Variants in MRTFB observed in about 807,000 individuals in gnomAD.
MRTFB encodes the protein myocardin related transcription factor B.
Under a neutral mutation model 104.2 loss-of-function variants are expected in MRTFB, and 29 were observed. That is an observed-to-expected ratio of 0.28 (90% CI 0.21 to 0.38). The LOEUF is 0.38. Among genes scored for constraint, MRTFB ranks in the 10% least tolerant of loss-of-function variants. The pLI, the probability that MRTFB is intolerant of heterozygous loss-of-function variation, is 1.00. For synonymous variants in MRTFB, 535 were observed against 519.5 expected (o/e 1.03, Z -0.41); for missense variants, 1,270 against 1,341.6 (o/e 0.95, Z 0.83).
chr16:14,011,732 C>T, the MRTFB span, among the ~76,000 whole-genome samples: 3 of 151,976 alleles, frequency 2.0e-5, no homozygotes, highest in Non-Finnish European at 2.9e-5. Context: ...ATTAGCTGGG[C>T]GTGGTGGTGG....
chr16:14,246,604 A>C lies in MRTFB; in HGVS notation c.1344A>C (p.Ala448=). Reference sequence around the variant, plus strand: ...GCCTTGCTGCTGGGGGCATCGTGGCAGTGTCATCATCAGCCATTGTCACCA... The same window carrying C: ...GCCTTGCTGCTGGGGGCATCGTGGCCGTGTCATCATCAGCCATTGTCACCA... ...SSGLAAGGIV[A]VSSSAIVTSN... is the part of the protein sequence containing the mutation. The change falls in exon 12 of 17, where the codon GCA becomes GCC. Residue 448 remains alanine (A), a synonymous_variant. Coordinates refer to ENST00000571589, the MANE Select transcript of MRTFB (RefSeq NM_001308142.2). 6.2e-7 allele frequency: 1 copy of C among 1,614,146 alleles called. No homozygotes were observed. The highest frequency in any genetic ancestry group is 8.5e-7 in the Non-Finnish European group (1 of 1,180,014).
chr16:14,230,077 A>G (rs757441720), intron 8 of MRTFB, among the ~76,000 whole-genome samples: 38 of 152,180 alleles, frequency 2.5e-4, no homozygotes, highest in Non-Finnish European at 4.7e-4. Flanking sequence ...CTGGCTAGCC[A>G]TATGTAGAAA....
At chr16:14,128,887 C>T (rs1350870390) in intron 2 of MRTFB, among the ~76,000 whole-genome samples, 1 of 152,192 alleles carries the variant, frequency 6.6e-6, no homozygotes, top group Non-Finnish European at 1.5e-5. Context: ...AGACATGTAA[C>T]CACCACAACC....
At chr16:14,103,190 T>A (rs2035787978) in intron 2 of MRTFB, among the ~76,000 whole-genome samples, 1 of 152,194 alleles carries the variant, frequency 6.6e-6, no homozygotes. Context: ...TTGTGATGTC[T>A]GTTTTCTTGT....
the MRTFB span, among the ~76,000 whole-genome samples, chr16:14,063,091 A>G: frequency 0.027 from 4,044 of 152,296 alleles, 70 homozygotes; most frequent in Middle Eastern, 0.085. Flanking sequence ...CAGATAGGTT[A>G]CAGATACAAC....
Position 14,211,237 on chromosome 16 carries a change from G to A in MRTFB, c.220+929G>A, listed in dbSNP as rs574212483. 3.3e-5 allele frequency among the ~76,000 whole-genome samples: 5 copies of A among 152,086 alleles called. No individual in the cohort carries two copies. In the South Asian group the frequency reaches 1.0e-3, roughly 32 times the overall value. On this transcript the variant is annotated intron_variant, in intron 4 of 16. Transcript: ENST00000571589. ...AATCTAGCATTGTGATAGGCAAAAG[G>A]TGCTTTGATAATCTGCCAGATTTCT...
intron 2 of MRTFB, among the ~76,000 whole-genome samples, chr16:14,082,377 A>G (rs895650414): frequency 1.3e-5 from 2 of 152,142 alleles, no homozygotes; most frequent in African/African-American, 4.8e-5. Context: ...TGGGTTCTTT[A>G]TTCTATTCCA....
chr16:14,173,728 T>C (rs1157266294), intron 3 of MRTFB, among the ~76,000 whole-genome samples: 1 of 152,186 alleles, frequency 6.6e-6, no homozygotes, highest in East Asian at 1.9e-4. Flanking sequence ...TTTGATATCA[T>C]CACATGGGTC....
the MRTFB span, among the ~76,000 whole-genome samples, chr16:13,997,407 C>G: frequency 1.3e-5 from 2 of 152,136 alleles, no homozygotes; most frequent in Non-Finnish European, 2.9e-5. Context: ...TGTATTTTGT[C>G]TCTTTTATGC....
intron 3 of MRTFB, among the ~76,000 whole-genome samples, chr16:14,181,171 CT>C (rs1382516932): frequency 6.6e-6 from 1 of 151,978 alleles, no homozygotes; most frequent in African/African-American, 2.4e-5. Context: ...AGAGATAGCA[CT>C]CTTTAAGTGT....
intron 2 of MRTFB, among the ~76,000 whole-genome samples, chr16:14,094,095 G>C (rs1452892370): frequency 6.6e-6 from 1 of 152,118 alleles, no homozygotes; most frequent in Admixed American, 6.5e-5. Context: ...TTAGATGATG[G>C]TAAACATGTG....
chr16:14,143,044 A>G (rs890738415), intron 3 of MRTFB: 25 of 152,188 alleles, frequency 1.6e-4, no homozygotes, highest in African/African-American at 5.1e-4. Context: ...TATCAGTAGT[A>G]GAACCCCTGT....
chr16:14,254,863 T>C (rs2043411431), intron 15 of MRTFB, among the ~76,000 whole-genome samples: 1 of 152,226 alleles, frequency 6.6e-6, no homozygotes. Flanking sequence ...ATCTCGATGT[T>C]AGAACTTGCG....
rs2043875784 is a variant in MRTFB at position 14,264,384 on chromosome 16, TTGAAAGTC to T, written c.*2942_*2949del. Reference sequence around the variant, plus strand: ...TTATACCAAAATTTCTGTAAAGTCTTTGAAAGTCTAGGAGTAGGTGGTCATCTTGTACA... The same window carrying T: ...TTATACCAAAATTTCTGTAAAGTCTTTAGGAGTAGGTGGTCATCTTGTACA... On this transcript the variant is annotated 3_prime_UTR_variant, in exon 17 of 17. Transcript: ENST00000571589. 1 of 152,142 alleles carries T rather than the reference TTGAAAGTC, an allele frequency of 6.6e-6. No homozygotes were observed. Among genetic ancestry groups the T allele is most frequent in the South Asian group, 2.1e-4 (1 of 4,824 alleles). 9.4% of individuals were successfully genotyped at this position (152,142 alleles called of 1,614,324 possible).
At chr16:14,078,411 G>C (rs560664432) in intron 1 of MRTFB, among the ~76,000 whole-genome samples, 25 of 152,066 alleles carry the variant, frequency 1.6e-4, no homozygotes, top group African/African-American at 5.8e-4. Context: ...GGAATACAAA[G>C]CTTATGCCCA....
intron 8 of MRTFB, among the ~76,000 whole-genome samples, chr16:14,220,266 C>T (rs1000273031): frequency 6.6e-6 from 1 of 152,314 alleles, no homozygotes. Flanking sequence ...AAAAGAATGT[C>T]AAGTATGCAA....
chr16:14,081,495 G>C (rs1474071270), intron 2 of MRTFB, among the ~76,000 whole-genome samples: 2 of 152,088 alleles, frequency 1.3e-5, no homozygotes, highest in Non-Finnish European at 1.5e-5. Context: ...GTTTCACCGT[G>C]TTGGCCAGGC....
intron 2 of MRTFB, among the ~76,000 whole-genome samples, chr16:14,124,139 G>A (rs1245327660): frequency 6.6e-6 from 1 of 152,194 alleles, no homozygotes; most frequent in African/African-American, 2.4e-5. Context: ...TGCTGAAGTT[G>A]CTTATCAGCT....
chr16:14,089,917 G>A lies in MRTFB; in HGVS notation c.-64+10563G>A, dbSNP rs375050992. Among the ~76,000 whole-genome samples, 11 of 152,152 alleles carry A rather than the reference G, an allele frequency of 7.2e-5. No individual in the cohort carries two copies. The East Asian group carries it at 1.9e-3, about 27-fold the overall frequency. On this transcript the variant is annotated intron_variant, in intron 2 of 16. Transcript: ENST00000571589. ...TGAACATCTTTTCATGTGCTTCTTG[G>A]CCACTTGTATATCTTAGAGAAATAC... is the stretch of plus-strand genomic sequence containing the variant.
Sources: gnomAD v4.1 joint callset for allele counts (sites outside exome capture counted in the v4.1 genomes callset) on GRCh38, gnomAD v4.1.1 for gene constraint, MANE v1.5 for transcripts, NCBI Gene and HGNC (gene_info 2026-07-23, HGNC 2026-07-21) for gene names.